The following STK33 variants were observed in gnomAD, a reference collection of about 807,000 sequenced individuals.
STK33 encodes the protein serine/threonine kinase 33.
STK33 carries 52 observed loss-of-function variants against 58.0 expected under a neutral mutation model. That is an observed-to-expected ratio of 0.90 (90% CI 0.72 to 1.13). The LOEUF (loss-of-function observed/expected upper bound fraction) is 1.13, where lower values mean the gene tolerates loss of function less well. STK33 is among the 50% of genes most tolerant of loss of function. The pLI, the probability that STK33 is intolerant of heterozygous loss-of-function variation, is 0.00. For missense variants in STK33, 630 were observed against 604.2 expected (o/e 1.04, Z -0.45); for synonymous variants, 215 against 200.1 (o/e 1.07, Z -0.63).
chr11:8,568,700 C>T (rs905874743), intron 1 of STK33, among the ~76,000 whole-genome samples: 2 of 152,070 alleles, frequency 1.3e-5, no homozygotes, highest in Non-Finnish European at 2.9e-5. Context: ...TGAACATTTC[C>T]CTAATAACTG....
intron 1 of STK33, among the ~76,000 whole-genome samples, chr11:8,492,018 A>G (rs1477994877): frequency 6.6e-6 from 1 of 152,236 alleles, no homozygotes; most frequent in East Asian, 1.9e-4. Context: ...CATCAATGCT[A>G]GGAAGAAACT....
At chr11:8,363,298 A>T in the STK33 span, among the ~76,000 whole-genome samples, 1 of 152,188 alleles carries the variant, frequency 6.6e-6, no homozygotes, top group African/African-American at 2.4e-5. Flanking sequence ...CCACTTAAAA[A>T]TTTATTTATT....
At chr11:8,360,078 A>T in the STK33 span, among the ~76,000 whole-genome samples, 1 of 152,268 alleles carries the variant, frequency 6.6e-6, no homozygotes, top group Non-Finnish European at 1.5e-5. Context: ...ACCTCAAAGC[A>T]GCCCCTGCCT....
chr11:8,552,156 C>A (rs898162447), intron 1 of STK33, among the ~76,000 whole-genome samples: 3 of 152,170 alleles, frequency 2.0e-5, no homozygotes, highest in African/African-American at 7.2e-5. Flanking sequence ...ACCCTATAAG[C>A]CATAGGTCTA....
chr11:8,481,372 T>A (rs1341016888), intron 1 of STK33, among the ~76,000 whole-genome samples: 1 of 152,188 alleles, frequency 6.6e-6, no homozygotes, highest in Non-Finnish European at 1.5e-5. Context: ...TGTGAGCCCC[T>A]CCAGGGCAGG....
intron 4 of STK33, among the ~76,000 whole-genome samples, chr11:8,476,035 T>C (rs1038043120): frequency 6.6e-5 from 10 of 152,210 alleles, no homozygotes; most frequent in Non-Finnish European, 1.3e-4. Flanking sequence ...TCCTTATCTA[T>C]TGTGATTGGC....
chr11:8,475,115 C>A (rs1455059661), intron 4 of STK33, 49 bp from the exon 5 acceptor site: 3 of 442,938 alleles, frequency 6.8e-6, no homozygotes, highest in South Asian at 5.6e-5. Flanking sequence ...TAACCTATTA[C>A]CATCCTGGAA....
chr11:8,435,618 C>T (rs1943966452), intron 13 of STK33, 39 bp from the exon 14 acceptor site: 4 of 1,258,808 alleles, frequency 3.2e-6, no homozygotes, highest in Non-Finnish European at 4.3e-6. Flanking sequence ...TCTTATTTAA[C>T]TACAATTAAT....
chr11:8,392,321 C>T lies in STK33; in HGVS notation c.*189G>A, dbSNP rs2134858824. Reference sequence around the variant, plus strand: ...CCTACTGGTGGCTGTCCTTTAATGCCATGTGCAGCTTATGCTGCTTTGGAG... The same window carrying T: ...CCTACTGGTGGCTGTCCTTTAATGCTATGTGCAGCTTATGCTGCTTTGGAG... On this transcript the variant is annotated 3_prime_UTR_variant, in exon 16 of 16. Coordinates refer to ENST00000687296, the MANE Select transcript of STK33 (RefSeq NM_001352389.2). 1 of 674,736 alleles carries T rather than the reference C, an allele frequency of 1.5e-6. No individual in the cohort carries two copies. The highest frequency in any genetic ancestry group is 1.8e-5 in the African/African-American group (1 of 55,800). The allele number at this position is 674,736 out of a possible 1,614,324, so 41.8% of individuals were successfully genotyped here. A position where few individuals can be genotyped will look rare whatever the true frequency, so the allele number is the denominator to read the frequency against.
intron 1 of STK33, among the ~76,000 whole-genome samples, chr11:8,485,780 T>A (rs1166357876): frequency 2.0e-5 from 3 of 152,216 alleles, no homozygotes; most frequent in Non-Finnish European, 2.9e-5. Flanking sequence ...TAGACTTACA[T>A]CAGGCATAAT....
intron 15 of STK33, among the ~76,000 whole-genome samples, chr11:8,397,773 G>A (rs1849619740): frequency 6.6e-6 from 1 of 152,162 alleles, no homozygotes; most frequent in African/African-American, 2.4e-5. Context: ...TAAAGGACCT[G>A]ATGGAGCTGA....
intron 1 of STK33, among the ~76,000 whole-genome samples, chr11:8,576,483 T>G (rs1958192994): frequency 2.6e-5 from 4 of 152,234 alleles, no homozygotes; most frequent in Non-Finnish European, 5.9e-5. Context: ...ATTTTTATAA[T>G]GTATTACTAT....
At chr11:8,490,868 C>A (rs559547834) in intron 1 of STK33, among the ~76,000 whole-genome samples, 3 of 152,204 alleles carry the variant, frequency 2.0e-5, no homozygotes, top group Admixed American at 2.0e-4. Context: ...AAAAGGAAAA[C>A]CAACAAACGG....
the STK33 span, among the ~76,000 whole-genome samples, chr11:8,353,330 C>G: frequency 6.6e-6 from 1 of 152,222 alleles, no homozygotes; most frequent in African/African-American, 2.4e-5. Flanking sequence ...TGGCAAAGCC[C>G]TCCTTTGAAG....
At chr11:8,465,569 G>T (rs1368451944) in intron 6 of STK33, 1 of 152,092 alleles carries the variant, frequency 6.6e-6, no homozygotes, top group African/African-American at 2.4e-5. Flanking sequence ...ATTTGGTTTT[G>T]GGGGAGTCAG....
chr11:8,488,252 G>A (rs550127953), intron 1 of STK33, among the ~76,000 whole-genome samples: 133 of 152,188 alleles, frequency 8.7e-4, no homozygotes, highest in African/African-American at 3.0e-3. Context: ...AGTTGCCCAA[G>A]GCAGTTGATA....
At chr11:8,532,046 A>AGT (rs554739309) in intron 1 of STK33, among the ~76,000 whole-genome samples, 236 of 152,346 alleles carry the variant, frequency 1.5e-3, no homozygotes, top group African/African-American at 5.1e-3. Flanking sequence ...AAAGAAGAGA[A>AGT]GTGTAATATT....
At chr11:8,578,528 T>C (rs1317847384) in intron 1 of STK33, among the ~76,000 whole-genome samples, 1 of 151,958 alleles carries the variant, frequency 6.6e-6, no homozygotes, top group Non-Finnish European at 1.5e-5. Context: ...CTACCACTTG[T>C]ATAAAATAAG....
chr11:8,469,030 A>G (rs911159633), intron 6 of STK33, among the ~76,000 whole-genome samples: 3 of 152,220 alleles, frequency 2.0e-5, no homozygotes, highest in Non-Finnish European at 4.4e-5. Flanking sequence ...TCCTGCCTCC[A>G]TGTAGATGAC....
Sources: gnomAD v4.1 joint callset for allele counts (sites outside exome capture counted in the v4.1 genomes callset) on GRCh38, gnomAD v4.1.1 for gene constraint, MANE v1.5 for transcripts, NCBI Gene and HGNC (gene_info 2026-07-23, HGNC 2026-07-21) for gene names.